Variants in COL9A3 observed in about 807,000 individuals in gnomAD.
COL9A3 encodes collagen type IX alpha 3 chain.
Under a neutral mutation model 110.2 loss-of-function variants are expected in COL9A3, and 82 were observed. That is an observed-to-expected ratio of 0.74 (90% CI 0.62 to 0.89). COL9A3 has a LOEUF of 0.89. COL9A3 is among the 40% of genes least tolerant of loss of function. COL9A3 has a pLI of 0.00. For synonymous variants in COL9A3, 494 were observed against 403.8 expected (o/e 1.22, Z -2.68); for missense variants, 1,066 against 981.3 (o/e 1.09, Z -1.15).
Position 62,825,604 on chromosome 20 carries a change from C to T in COL9A3, c.631-213C>T, listed in dbSNP as rs113251547. The T allele has an allele frequency of 4.8e-6, 3 of 627,486 alleles. No individual in the cohort carries two copies. In the African/African-American group the frequency reaches 5.5e-5, roughly 12 times the overall value. 38.9% of individuals were successfully genotyped at this position (627,486 alleles called of 1,614,324 possible). Reference sequence around the variant, plus strand: ...CTGAAGGGCCTTGTGGGAACAGTGACCACGGACCCCGGCCCGGCAGGGCGA... The same window carrying T: ...CTGAAGGGCCTTGTGGGAACAGTGATCACGGACCCCGGCCCGGCAGGGCGA... On this transcript the variant is annotated intron_variant, in intron 12 of 31. Coordinates refer to ENST00000649368, the MANE Select transcript of COL9A3 (RefSeq NM_001853.4).
At chr20:62,825,219 T>C (rs2063543168) in intron 12 of COL9A3, among the ~76,000 whole-genome samples, 198 bp downstream of exon 12, 1 of 145,802 alleles carries the variant, frequency 6.9e-6, no homozygotes, top group African/African-American at 2.6e-5. Flanking sequence ...GACCGTTTCA[T>C]GGGTGCACCT....
chr20:62,830,443 TGGG>T, intron 23 of COL9A3, 30 bp downstream of exon 23: 6 of 1,574,154 alleles, frequency 3.8e-6, no homozygotes, highest in Non-Finnish European at 5.2e-6. Context: ...GGGCCTGGCA[TGGG>T]GGGCGGCACA....
chr20:62,829,390 C>G, intron 19 of COL9A3, 65 bp from the exon 20 acceptor site: 1 of 1,605,026 alleles, frequency 6.2e-7, no homozygotes, highest in Non-Finnish European at 8.5e-7. Flanking sequence ...GCGTGCACGC[C>G]CCTGGGTGCT....
At chr20:62,834,225 G>C (rs1406995428) in intron 26 of COL9A3, among the ~76,000 whole-genome samples, 3 of 152,102 alleles carry the variant, frequency 2.0e-5, no homozygotes, top group Non-Finnish European at 4.4e-5. Flanking sequence ...GGCCAGGCTG[G>C]TCTCAAACTC....
chr20:62,838,510 T>TCCCTCTCGTCGGAC (rs2063652089), intron 30 of COL9A3, among the ~76,000 whole-genome samples, 174 bp from the exon 31 acceptor site: 1 of 152,202 alleles, frequency 6.6e-6, no homozygotes, highest in Admixed American at 6.5e-5. Context: ...TACAGGTGGG[T>TCCCTCTCGTCGGAC]CCCTCTCGTC....
Position 62,837,064 on chromosome 20 carries a change from C to T in COL9A3, c.1604-19C>T. On this transcript the variant is annotated intron_variant, in intron 29 of 31. Coordinates refer to ENST00000649368, the MANE Select transcript of COL9A3 (RefSeq NM_001853.4). Reference sequence around the variant, plus strand: ...TGATCCTCTCTCGAGTAAACGCCTGCACCCTTGTTTTCCCAAAGAACAAAT... The same window carrying T: ...TGATCCTCTCTCGAGTAAACGCCTGTACCCTTGTTTTCCCAAAGAACAAAT... 1 of 1,611,924 alleles carries T rather than the reference C, an allele frequency of 6.2e-7. No homozygotes were observed. The highest frequency in any genetic ancestry group is 8.5e-7 in the Non-Finnish European group (1 of 1,179,980).
chr20:62,828,709 AGAGG>A (rs2063572539), intron 17 of COL9A3, 51 bp from the exon 18 acceptor site: 1 of 1,593,574 alleles, frequency 6.3e-7, no homozygotes, highest in African/African-American at 1.3e-5. Context: ...GCAGGACTGT[AGAGG>A]GAGGGAGGGG....
At chr20:62,838,282 G>A (rs1349621023) in intron 30 of COL9A3, among the ~76,000 whole-genome samples, 2 of 152,238 alleles carry the variant, frequency 1.3e-5, no homozygotes, top group Non-Finnish European at 2.9e-5. Context: ...GCACCCCTGG[G>A]CCGTGTGCCA....
chr20:62,837,664 G>A (rs746979645), intron 30 of COL9A3, among the ~76,000 whole-genome samples: 23 of 152,214 alleles, frequency 1.5e-4, no homozygotes, highest in South Asian at 2.1e-4. Flanking sequence ...AAAATTAGCT[G>A]GGCATGGTGG....
At chr20:62,828,647 G>A (rs2063572183) in intron 17 of COL9A3, 117 bp from the exon 18 acceptor site, 2 of 1,166,962 alleles carry the variant, frequency 1.7e-6, no homozygotes, top group Middle Eastern at 2.5e-4. Flanking sequence ...AACTGCCAGG[G>A]TGTGGGGGCA....
chr20:62,827,424 T>C, intron 16 of COL9A3, 130 bp downstream of exon 16: 1 of 918,056 alleles, frequency 1.1e-6, no homozygotes, highest in South Asian at 1.5e-5. Context: ...GGCCTGGGGG[T>C]GCGTGGGGGT....
At position 62,828,909 on chromosome 20, in the gene COL9A3, C is replaced by A. The variant is rs2063574278; in HGVS notation, c.955-14C>A. 1 of 1,612,502 alleles carries A rather than the reference C, an allele frequency of 6.2e-7. No individual in the cohort carries two copies. Among genetic ancestry groups the A allele is most frequent in the Non-Finnish European group, 8.5e-7 (1 of 1,179,900 alleles). ...TCAGCCTCCCCTTCCGCACCCCAAT[C>A]TCTGTCCTCACAGGGAGAGGCTGGT... On this transcript the variant is annotated splice_polypyrimidine_tract_variant and intron_variant, in intron 18 of 31. Transcript: ENST00000649368.
At position 62,819,296 on chromosome 20, in the gene COL9A3, G is replaced by A. The variant is rs1266711515; in HGVS notation, c.255+3G>A. ...TGCCGGGACTGCCGGGTGTGGATGT[G>A]AGTGCGCCTGCCCCTCCCCGCCATG... On this transcript the variant is annotated splice_donor_region_variant and intron_variant, in intron 4 of 31. Transcript: ENST00000649368. The A allele has an allele frequency of 6.2e-7, 1 of 1,604,510 alleles. No individual in the cohort carries two copies. The highest frequency in any genetic ancestry group is 1.3e-5 in the African/African-American group (1 of 74,790).
intron 10 of COL9A3, 103 bp downstream of exon 10, chr20:62,822,735 G>A: frequency 1.5e-6 from 2 of 1,293,046 alleles, no homozygotes; most frequent in Non-Finnish European, 2.2e-6. Context: ...AAGAAGGCAG[G>A]GCCCGAGCCC....
intron 25 of COL9A3, among the ~76,000 whole-genome samples, 156 bp downstream of exon 25, chr20:62,832,345 C>A (rs1281166521): frequency 6.6e-6 from 1 of 152,256 alleles, no homozygotes; most frequent in South Asian, 2.1e-4. Flanking sequence ...TTTCTGGCTC[C>A]TGCCCCTCCT....
At chr20:62,838,904 T>G in intron 31 of COL9A3, 143 bp downstream of exon 31, 2 of 778,980 alleles carry the variant, frequency 2.6e-6, no homozygotes. Flanking sequence ...GATTAGGAAT[T>G]GTCTCAATAA....
chr20:62,835,923 T>TC lies in COL9A3; in HGVS notation c.1374dup (p.Ser459GlnfsTer142). On this transcript the variant is annotated frameshift_variant, in exon 27 of 32. Coordinates refer to ENST00000649368, the MANE Select transcript of COL9A3 (RefSeq NM_001853.4). LOFTEE classifies it high-confidence loss of function. The stretch of plus-strand genomic sequence containing the variant: ...ACACACAACTTTTCTCTTCACAGGG[T>TC]CCCAGCGGCCTGGTCGGACCCAAAG... 1 of 1,614,192 alleles carries TC rather than the reference T, an allele frequency of 6.2e-7. No individual in the cohort carries two copies. Among genetic ancestry groups the TC allele is most frequent in the Non-Finnish European group, 8.5e-7 (1 of 1,180,030 alleles).
rs1296322799 is a variant in COL9A3, at chr20:62,817,117, A to T, written c.53A>T (p.Glu18Val). 1 of 1,397,940 alleles carries T rather than the reference A, an allele frequency of 7.2e-7. No homozygotes were observed. Among genetic ancestry groups the T allele is most frequent in the Non-Finnish European group, 9.3e-7 (1 of 1,070,706 alleles). The allele number at this position is 1,397,940 out of a possible 1,614,324, so 86.6% of individuals were successfully genotyped here. A position where few individuals can be genotyped will look rare whatever the true frequency, so the allele number is the denominator to read the frequency against. ...APLLLLLLLG[E>V]LLAAAGAQRV... ...CTCCTGCTCCTGCTCCTGCTCGGGG[A>T]GCTTCTGGCGGCCGCCGGGGCGCAG... is the stretch of plus-strand genomic sequence containing the variant. Residue 18 changes from glutamate (E) to valine (V), a missense_variant, in exon 1 of 32, where the codon GAG (glutamate) becomes GTG (valine). By Grantham distance (121) the Glu-to-Val change is moderately radical. Coordinates refer to ENST00000649368, the MANE Select transcript of COL9A3 (RefSeq NM_001853.4).
rs769068469 is a variant in COL9A3, at chr20:62,832,225, G to C, written c.1323+36G>C. 6.2e-6 allele frequency: 10 copies of C among 1,608,190 alleles called. No homozygotes were observed. The African/African-American group carries it at 1.2e-4, about 19-fold the overall frequency. On this transcript the variant is annotated intron_variant, in intron 25 of 31. Transcript: ENST00000649368. ...CACAGGCTGGGGCAAAAGGAATGAA[G>C]GCAAAGCTGCACAGCTTCTCCCAGG...
Sources: allele counts gnomAD v4.1 joint callset (sites outside exome capture counted in the v4.1 genomes callset), GRCh38; gene constraint gnomAD v4.1.1; transcripts MANE v1.5; gene names NCBI Gene and HGNC (gene_info 2026-07-23, HGNC 2026-07-21).